PSMC2: variants seen among roughly 807,000 people sequenced by gnomAD.
The protein encoded by PSMC2 is 26S proteasome regulatory subunit 7.
A neutral mutation model predicts 53.3 loss-of-function variants in PSMC2; 7 were observed. The observed-to-expected ratio is 0.13, with a 90% CI of 0.07 to 0.25. The LOEUF (loss-of-function observed/expected upper bound fraction) is 0.25. PSMC2 is among the 10% of genes least tolerant of loss of function. The probability of loss-of-function intolerance (pLI) is 1.00; values close to 1 mark genes in which losing one functional copy is unlikely to be tolerated. For missense variants in PSMC2, 241 were observed against 544.0 expected (o/e 0.44, Z 5.54); for synonymous variants, 169 against 183.9 (o/e 0.92, Z 0.66).
At position 103,351,391 on chromosome 7, in the gene PSMC2, C is replaced by T. The variant is rs753282600; in HGVS notation, c.71-2530C>T. 3.3e-5 allele frequency among the ~76,000 whole-genome samples: 5 copies of T among 152,286 alleles called. No homozygotes were observed. In the South Asian group the frequency reaches 1.0e-3, roughly 32 times the overall value. On this transcript the variant is annotated intron_variant, in intron 1 of 11. Transcript: ENST00000292644. ...GGAGTCACACAGGATGTACTTAATT[C>T]CCCCAGCAACAGGTAGTGACAATAT...
chr7:103,348,466 C>A lies in PSMC2; in HGVS notation c.70+685C>A, dbSNP rs1012636337. 4 of 519,366 alleles carry A rather than the reference C, an allele frequency of 7.7e-6. No homozygotes were observed. In the South Asian group the frequency reaches 8.7e-5, roughly 11 times the overall value. 32.2% of individuals were successfully genotyped at this position (519,366 alleles called of 1,614,324 possible). A position where few individuals can be genotyped will look rare whatever the true frequency, so the allele number is the denominator to read the frequency against. ...TACTTTCCTATCATGTAGTCACTTCCTCTGCATCTGCATAGTATCCTGTAT... is the reference window on the plus strand; with the variant it reads ...TACTTTCCTATCATGTAGTCACTTCATCTGCATCTGCATAGTATCCTGTAT... On this transcript the variant is annotated intron_variant, in intron 1 of 11. Transcript: ENST00000292644.
intron 6 of PSMC2, 32 bp downstream of exon 6, chr7:103,362,790 A>ATGTCTTT: frequency 1.0e-6 from 1 of 995,564 alleles, no homozygotes; most frequent in Non-Finnish European, 1.5e-6. Context: ...AAGGAAGGCT[A>ATGTCTTT]TGTCTTTTTT....
In PSMC2 at chr7:103,364,450, C is replaced by T. The variant is rs1362617233; in HGVS notation, c.756+143C>T. ...TTGAGACAGAGTCTCATTGTGTTGC[C>T]CAGGCTGGAGTGCAGTGACATGATC... On this transcript the variant is annotated intron_variant, in intron 8 of 11. Coordinates refer to ENST00000292644, the MANE Select transcript of PSMC2 (RefSeq NM_002803.4). 32 of 923,796 alleles carry T rather than the reference C, an allele frequency of 3.5e-5. No individual in the cohort carries two copies. In the Admixed American group the frequency reaches 7.6e-4, roughly 22 times the overall value. 57.2% of individuals were successfully genotyped at this position (923,796 alleles called of 1,614,324 possible).
At chr7:103,355,637 C>A in intron 3 of PSMC2, 57 bp from the exon 4 acceptor site, 1 of 1,317,514 alleles carries the variant, frequency 7.6e-7, no homozygotes, top group Non-Finnish European at 1.1e-6. Flanking sequence ...GTTTAGAAAG[C>A]TTATTATAGG....
intron 8 of PSMC2, 134 bp downstream of exon 8, chr7:103,364,441 T>C (rs895506233): frequency 2.0e-5 from 19 of 972,266 alleles, no homozygotes; most frequent in African/African-American, 8.2e-5. Context: ...CAGAGTCTCA[T>C]TGTGTTGCCC....
intron 5 of PSMC2, 73 bp downstream of exon 5, chr7:103,362,161 G>C (rs946343325): frequency 6.3e-7 from 1 of 1,587,582 alleles, no homozygotes; most frequent in Non-Finnish European, 8.5e-7. Flanking sequence ...CCTTGGCTTT[G>C]TAGTGAATAA....
rs1191120411 is a variant in PSMC2 at position 103,368,260 on chromosome 7, A to ACC, written c.*208_*209dup. On this transcript the variant is annotated 3_prime_UTR_variant, in exon 12 of 12. Transcript: ENST00000292644. ...TATTTTGACTATTTTTTTGACCCAC[A>ACC]CCCGTTTAAGGATTTCACATCATAC... is the stretch of plus-strand genomic sequence containing the variant. 3.8e-6 allele frequency: 2 copies of ACC among 525,078 alleles called. No homozygotes were observed. Among genetic ancestry groups the ACC allele is most frequent in the East Asian group, 3.4e-5 (1 of 29,658 alleles). 32.5% of individuals were successfully genotyped at this position (525,078 alleles called of 1,614,324 possible). A position where few individuals can be genotyped will look rare whatever the true frequency, so the allele number is the denominator to read the frequency against.
At chr7:103,348,834 G>T in intron 1 of PSMC2, 1 of 630,672 alleles carries the variant, frequency 1.6e-6, no homozygotes, top group Non-Finnish European at 2.9e-6. Context: ...ATAGTTCTTT[G>T]TACATAAAAT....
intron 7 of PSMC2, 148 bp downstream of exon 7, chr7:103,363,587 T>C (rs972751156): frequency 2.8e-5 from 20 of 702,110 alleles, no homozygotes; most frequent in Non-Finnish European, 4.8e-5. Context: ...GTGTGGAGAG[T>C]TGGTAAGTTC....
chr7:103,367,689 A>G lies in PSMC2; in HGVS notation c.1048-24A>G, dbSNP rs778093574. The G allele has an allele frequency of 8.1e-6, 13 of 1,608,658 alleles. No individual in the cohort carries two copies. Among genetic ancestry groups the G allele is most frequent in the South Asian group, 1.1e-5 (1 of 90,102 alleles). On this transcript the variant is annotated intron_variant, in intron 10 of 11. Coordinates refer to ENST00000292644, the MANE Select transcript of PSMC2 (RefSeq NM_002803.4). This position sits in a 1 kb window ranked among gnomAD's most constrained non-coding sequence, Gnocchi z 6.1. ...TCCTGTGATTTTTTTCCATTTTAAT[A>G]TTTGTCAATTTTCTCATTTTTAGGG...
At chr7:103,366,037 G>T in intron 8 of PSMC2, 39 bp from the exon 9 acceptor site, 4 of 1,518,292 alleles carry the variant, frequency 2.6e-6, no homozygotes, top group Non-Finnish European at 3.6e-6. Context: ...AAAATATTTT[G>T]AAACCAATTT....
At chr7:103,363,121 A>T (rs1261049591) in intron 6 of PSMC2, among the ~76,000 whole-genome samples, 3 of 152,276 alleles carry the variant, frequency 2.0e-5, no homozygotes, top group Middle Eastern at 3.4e-3. Context: ...TTTTTGAGAC[A>T]GAGTCTCAGC....
chr7:103,355,903 C>G (rs1245998111), intron 4 of PSMC2, 110 bp downstream of exon 4: 39 of 739,130 alleles, frequency 5.3e-5, no homozygotes, highest in Non-Finnish European at 7.8e-5. Context: ...ATTCCAAATT[C>G]CAAGTAAATA....
At chr7:103,353,043 A>C (rs1284762319) in intron 1 of PSMC2, 1 of 766,950 alleles carries the variant, frequency 1.3e-6, no homozygotes, top group East Asian at 2.5e-5. Context: ...ATTACAAATA[A>C]ATTTGAGCAG....
Position 103,348,679 on chromosome 7 carries a change from C to T in PSMC2, c.70+898C>T. ...TCGCTCTTGTCGCGTCTGTTCAAAC[C>T]GGCACGGTCTGATCCGGAAATATGG... On this transcript the variant is annotated intron_variant, in intron 1 of 11. Coordinates refer to ENST00000292644, the MANE Select transcript of PSMC2 (RefSeq NM_002803.4). 5.0e-6 allele frequency: 8 copies of T among 1,589,444 alleles called. No homozygotes were observed. In the South Asian group the frequency reaches 7.7e-5, roughly 15 times the overall value.
intron 7 of PSMC2, 84 bp downstream of exon 7, chr7:103,363,523 A>G: frequency 8.4e-7 from 1 of 1,185,606 alleles, no homozygotes; most frequent in Non-Finnish European, 1.2e-6. Context: ...TGTATATTAG[A>G]TGGCTTTTAA....
intron 1 of PSMC2, among the ~76,000 whole-genome samples, chr7:103,351,895 GT>G (rs905366728): frequency 6.6e-6 from 1 of 151,016 alleles, no homozygotes; most frequent in East Asian, 1.9e-4. Flanking sequence ...TCCTCTGAGG[GT>G]TTTTTTTTAA....
chr7:103,355,591 A>G, intron 3 of PSMC2, 103 bp from the exon 4 acceptor site: 2 of 847,286 alleles, frequency 2.4e-6, no homozygotes, highest in Non-Finnish European at 3.8e-6. Context: ...AGTCCTCACA[A>G]TGAATGATTC....
chr7:103,361,941 C>T lies in PSMC2; in HGVS notation c.291-16C>T, dbSNP rs1428544807. 1.3e-6 allele frequency: 2 copies of T among 1,592,990 alleles called. No individual in the cohort carries two copies. The highest frequency in any genetic ancestry group is 1.7e-6 in the Non-Finnish European group (2 of 1,173,956). On this transcript the variant is annotated splice_polypyrimidine_tract_variant and intron_variant, in intron 4 of 11. Transcript: ENST00000292644. ...GCTTAGGTTCCTTATTCTAATCAAG[C>T]TTTTTGCTGTGTTAGGTGTACAAAG...
Sources: gnomAD v4.1 joint callset for allele counts (sites outside exome capture counted in the v4.1 genomes callset) on GRCh38, gnomAD v4.1.1 for gene constraint, Gnocchi (gnomAD v3.1) non-coding constraint, MANE v1.5 for transcripts, NCBI Gene and HGNC (gene_info 2026-07-23, HGNC 2026-07-21) for gene names.